Variants in NAALADL2 observed in about 807,000 individuals in gnomAD.
NAALADL2 encodes N-acetylated alpha-linked acidic dipeptidase like 2.
NAALADL2 carries 76 observed loss-of-function variants against 87.2 expected under a neutral mutation model. The observed-to-expected ratio is 0.87, with a 90% CI of 0.72 to 1.05. NAALADL2 has a LOEUF of 1.05. Among genes scored for constraint, NAALADL2 ranks in the 50% least tolerant of loss-of-function variants. The probability of loss-of-function intolerance (pLI) is 0.00; values close to 1 mark genes in which losing one functional copy is unlikely to be tolerated. For synonymous variants in NAALADL2, 354 were observed against 331.0 expected, an observed-to-expected ratio of 1.07 and a Z score of -0.75; for missense variants, 1,089 against 945.8, an observed-to-expected ratio of 1.15 and a Z score of -1.99.
At chr3:175,152,521 C>T (rs1347075611) in intron 2 of NAALADL2, among the ~76,000 whole-genome samples, 1 of 152,094 alleles carries the variant, frequency 6.6e-6, no homozygotes, top group Non-Finnish European at 1.5e-5. Flanking sequence ...AGAACTGGCA[C>T]ACCAAAAATA....
chr3:175,718,598 CCTT>C, intron 11 of NAALADL2: 1 of 1,594,264 alleles, frequency 6.3e-7, no homozygotes. Flanking sequence ...TCCTTTCTGG[CCTT>C]CTTCGAGTTT....
intron 1 of NAALADL2, among the ~76,000 whole-genome samples, chr3:174,501,291 G>C: frequency 7.0e-5 from 10 of 143,460 alleles, no homozygotes; most frequent in African/African-American, 3.0e-4. Flanking sequence ...TTTTAGCCGG[G>C]ATGGTCTCGA....
chr3:174,607,226 A>C (rs1440936920), intron 2 of NAALADL2, among the ~76,000 whole-genome samples: 2 of 152,148 alleles, frequency 1.3e-5, no homozygotes, highest in Admixed American at 6.5e-5. Flanking sequence ...CAAAATGTAA[A>C]GACCATCGAG....
At chr3:175,371,111 A>C (rs61999347) in intron 5 of NAALADL2, among the ~76,000 whole-genome samples, 1 of 152,212 alleles carries the variant, frequency 6.6e-6, no homozygotes, top group Non-Finnish European at 1.5e-5. Flanking sequence ...AATATTACCA[A>C]AATTTCAAAT....
At chr3:174,756,344 G>A (rs952102186) in intron 3 of NAALADL2, among the ~76,000 whole-genome samples, 5 of 152,140 alleles carry the variant, frequency 3.3e-5, no homozygotes, top group South Asian at 4.2e-4. Flanking sequence ...TTTCTATTTC[G>A]TGGCTCTGCT....
intron 11 of NAALADL2, among the ~76,000 whole-genome samples, chr3:175,649,375 G>T (rs1309927775): frequency 6.7e-6 from 1 of 148,446 alleles, no homozygotes; most frequent in African/African-American, 2.5e-5. Context: ...TCTGATACTT[G>T]CCAAGCTCTT....
At chr3:175,637,814 A>G (rs1728757628) in intron 11 of NAALADL2, among the ~76,000 whole-genome samples, 1 of 152,206 alleles carries the variant, frequency 6.6e-6, no homozygotes, top group Non-Finnish European at 1.5e-5. Flanking sequence ...AGACTAAGAC[A>G]GCAATTAAAT....
At chr3:174,764,224 A>T (rs1023406731) in intron 3 of NAALADL2, among the ~76,000 whole-genome samples, 8 of 152,258 alleles carry the variant, frequency 5.3e-5, no homozygotes, top group Admixed American at 3.9e-4. Context: ...ATTGTACCAC[A>T]GCATGTACCT....
intron 3 of NAALADL2, among the ~76,000 whole-genome samples, chr3:174,775,964 C>T (rs1480397852): frequency 6.6e-6 from 1 of 152,180 alleles, no homozygotes; most frequent in East Asian, 1.9e-4. Context: ...GACATAGACA[C>T]TGAGGATGCT....
rs1458206963 is a variant in NAALADL2, at chr3:175,458,618, A to G, written c.1235-4783A>G. On this transcript the variant is annotated intron_variant, in intron 6 of 13. Transcript: ENST00000454872. ...TATATATATATAAAACCATGAGAAC[A>G]TATCAATATCAAGTTTTATTTATCT... 2.7e-5 allele frequency among the ~76,000 whole-genome samples: 4 copies of G among 148,938 alleles called. No individual in the cohort carries two copies. The East Asian group carries it at 5.8e-4, about 22-fold the overall frequency.
chr3:175,105,907 G>C (rs2108454411), intron 2 of NAALADL2, among the ~76,000 whole-genome samples: 1 of 152,112 alleles, frequency 6.6e-6, no homozygotes. Flanking sequence ...TTTCACAAAA[G>C]GTATTTCCAT....
intron 1 of NAALADL2, among the ~76,000 whole-genome samples, chr3:174,451,487 T>C (rs1453867462): frequency 6.6e-6 from 1 of 152,190 alleles, no homozygotes; most frequent in Non-Finnish European, 1.5e-5. Flanking sequence ...TATTATAATC[T>C]AGGCATTTTC....
rs147690996 is a variant in NAALADL2 at position 174,900,186 on chromosome 3, C to T, written c.43+40736C>T. Among the ~76,000 whole-genome samples, 345 of 151,724 alleles carry T rather than the reference C, an allele frequency of 2.3e-3. 1 individual carries two copies. Among genetic ancestry groups the T allele is most frequent in the African/African-American group, 8.0e-3 (330 of 41,410 alleles). Reference sequence around the variant, plus strand: ...GTAATTGGCACAAGAATAGTGAAAACGTTAGAATTTTATAAACTATCACAA... The same window carrying T: ...GTAATTGGCACAAGAATAGTGAAAATGTTAGAATTTTATAAACTATCACAA... On this transcript the variant is annotated intron_variant, in intron 1 of 13. Coordinates refer to ENST00000454872, the MANE Select transcript of NAALADL2 (RefSeq NM_207015.3).
intron 1 of NAALADL2, among the ~76,000 whole-genome samples, chr3:174,970,646 C>A (rs975042113): frequency 1.3e-5 from 2 of 152,052 alleles, no homozygotes; most frequent in African/African-American, 4.8e-5. Context: ...CTCCCTAAAC[C>A]CCATTAATTT....
chr3:174,669,786 AT>A (rs1333541183), intron 2 of NAALADL2, among the ~76,000 whole-genome samples: 16 of 151,868 alleles, frequency 1.1e-4, no homozygotes, highest in Non-Finnish European at 2.4e-4. Flanking sequence ...TGCCATTGTG[AT>A]TTTTGATACA....
At chr3:175,452,428 GAA>G (rs973436695) in intron 6 of NAALADL2, among the ~76,000 whole-genome samples, 3 of 152,074 alleles carry the variant, frequency 2.0e-5, no homozygotes, top group African/African-American at 7.2e-5. Flanking sequence ...AAAAGAAAGG[GAA>G]AACTAAAAAC....
intron 2 of NAALADL2, among the ~76,000 whole-genome samples, chr3:175,137,871 G>C (rs1317404882): frequency 6.6e-6 from 1 of 151,922 alleles, no homozygotes; most frequent in Non-Finnish European, 1.5e-5. Flanking sequence ...TGATCCACCT[G>C]CCTCGGCCTC....
intron 1 of NAALADL2, among the ~76,000 whole-genome samples, chr3:175,068,720 G>A (rs1715006362): frequency 6.6e-6 from 1 of 152,032 alleles, no homozygotes; most frequent in Non-Finnish European, 1.5e-5. Context: ...AAATAGTCCT[G>A]GAGATAAGAT....
At chr3:175,157,633 C>G (rs1291155937) in intron 2 of NAALADL2, among the ~76,000 whole-genome samples, 1 of 152,072 alleles carries the variant, frequency 6.6e-6, no homozygotes, top group Non-Finnish European at 1.5e-5. Context: ...ATAGGATCAG[C>G]CTGCTGTCAC....
Sources: gnomAD v4.1 joint callset for allele counts (sites outside exome capture counted in the v4.1 genomes callset) on GRCh38, gnomAD v4.1.1 for gene constraint, MANE v1.5 for transcripts, NCBI Gene and HGNC (gene_info 2026-07-23, HGNC 2026-07-21) for gene names.